STOX2: variants seen among roughly 807,000 people sequenced by gnomAD.
STOX2 encodes storkhead box 2.
Under a neutral mutation model 60.9 loss-of-function variants are expected in STOX2, and 28 were observed. The ratio of observed to expected loss-of-function variants is 0.46; its 90% CI spans 0.34 to 0.63. STOX2 has a LOEUF of 0.63. Among genes scored for constraint, STOX2 ranks in the 30% least tolerant of loss-of-function variants. The pLI is 0.01. For missense variants in STOX2, 1,024 were observed against 1,187.7 expected (o/e 0.86, Z 2.03); for synonymous variants, 472 against 463.9 (o/e 1.02, Z -0.22).
intron 1 of STOX2, among the ~76,000 whole-genome samples, chr4:183,807,261 C>T (rs1410681058): frequency 1.3e-5 from 2 of 152,212 alleles, no homozygotes; most frequent in East Asian, 3.8e-4. Context: ...CCTGAACCAC[C>T]GCGCCCGGCC....
chr4:183,844,418 C>T (rs1164186855), intron 1 of STOX2, among the ~76,000 whole-genome samples: 1 of 152,078 alleles, frequency 6.6e-6, no homozygotes, highest in Non-Finnish European at 1.5e-5. Context: ...TCAAACAATC[C>T]TTTTATATTA....
At chr4:183,832,350 A>G (rs2111121746) in intron 1 of STOX2, among the ~76,000 whole-genome samples, 1 of 151,818 alleles carries the variant, frequency 6.6e-6, no homozygotes, top group Non-Finnish European at 1.5e-5. Flanking sequence ...TACTAACCCC[A>G]TTTTGGCTCC....
At position 183,970,581 on chromosome 4, in the gene STOX2, C is replaced by A. The variant is rs1418515604; in HGVS notation, c.167-30744C>A. ...GGGAATCACACAGGAGGAAGGGCAG[C>A]CACCACATACACACAAGGAGGATGT... On this transcript the variant is annotated intron_variant, in intron 1 of 3. Coordinates refer to ENST00000308497, the MANE Select transcript of STOX2 (RefSeq NM_020225.3). Among the ~76,000 whole-genome samples, 5 of 152,190 alleles carry A rather than the reference C, an allele frequency of 3.3e-5. No individual in the cohort carries two copies. In the South Asian group the frequency reaches 8.3e-4, roughly 25 times the overall value.
At chr4:184,014,727 C>T (rs1212058806) in intron 3 of STOX2, 1 of 152,120 alleles carries the variant, frequency 6.6e-6, no homozygotes, top group Non-Finnish European at 1.5e-5. Context: ...TAATGAAATA[C>T]ATTCTTTACC....
upstream of STOX2, among the ~76,000 whole-genome samples, chr4:183,900,813 C>T (rs1741444243): frequency 6.6e-6 from 1 of 152,082 alleles, no homozygotes; most frequent in Non-Finnish European, 1.5e-5. Context: ...AATACATTCC[C>T]TTAAACATTT....
chr4:183,944,656 G>A (rs2111134052), intron 1 of STOX2, among the ~76,000 whole-genome samples: 1 of 152,344 alleles, frequency 6.6e-6, no homozygotes, highest in South Asian at 2.1e-4. Flanking sequence ...GGAGGTTGCA[G>A]TGAGCCAAGA....
At chr4:183,963,081 C>G (rs146553266) in intron 1 of STOX2, among the ~76,000 whole-genome samples, 159 of 152,286 alleles carry the variant, frequency 1.0e-3, no homozygotes, top group Non-Finnish European at 1.9e-3. Flanking sequence ...CTTTTGATCA[C>G]TTACTCTCTC....
chr4:183,974,266 C>T (rs563186851), intron 1 of STOX2, among the ~76,000 whole-genome samples: 1 of 151,906 alleles, frequency 6.6e-6, no homozygotes, highest in South Asian at 2.1e-4. Context: ...AAAAATAGAG[C>T]ACTGAAAATA....
intron 1 of STOX2, among the ~76,000 whole-genome samples, chr4:183,968,622 G>T (rs1015847310): frequency 6.6e-6 from 1 of 152,184 alleles, no homozygotes. Context: ...TGCCACCTTC[G>T]CTGCTACAAA....
chr4:184,013,866 C>T (rs533528647), intron 3 of STOX2, among the ~76,000 whole-genome samples: 3 of 152,104 alleles, frequency 2.0e-5, no homozygotes, highest in East Asian at 1.9e-4. Context: ...AGCTCACTGC[C>T]GCCTGGAACT....
At chr4:183,929,217 A>G (rs369611206) in intron 1 of STOX2, among the ~76,000 whole-genome samples, 82 of 152,342 alleles carry the variant, frequency 5.4e-4, no homozygotes, top group African/African-American at 1.9e-3. Context: ...TTTCTTTTCT[A>G]CAGCATACAG....
intron 2 of STOX2, among the ~76,000 whole-genome samples, chr4:184,004,778 T>C (rs1327473873): frequency 2.0e-5 from 3 of 152,230 alleles, no homozygotes; most frequent in Admixed American, 1.3e-4. Flanking sequence ...AGAATAATAC[T>C]TGCTTCTTGT....
At chr4:183,903,259 C>A (rs1741502300), upstream of STOX2, among the ~76,000 whole-genome samples, 1 of 152,178 alleles carries the variant, frequency 6.6e-6, no homozygotes, top group African/African-American at 2.4e-5. Context: ...TTACTGTGCT[C>A]CAATTTCAGC....
At chr4:183,827,497 A>G (rs1739462542) in intron 1 of STOX2, among the ~76,000 whole-genome samples, 2 of 150,232 alleles carry the variant, frequency 1.3e-5, no homozygotes, top group African/African-American at 5.1e-5. Context: ...CTCTAAAAAA[A>G]GAAAATAAAA....
intron 1 of STOX2, among the ~76,000 whole-genome samples, chr4:183,843,147 CAAAA>C (rs60213127): frequency 9.8e-6 from 1 of 102,206 alleles, no homozygotes; most frequent in Admixed American, 1.0e-4. Context: ...GACTCCATCT[CAAAA>C]AAAAAAAAAA....
chr4:183,937,606 C>T (rs1304961624), intron 1 of STOX2, among the ~76,000 whole-genome samples: 1 of 152,180 alleles, frequency 6.6e-6, no homozygotes, highest in African/African-American at 2.4e-5. Flanking sequence ...AACATCCAAG[C>T]TCATGATCAG....
chr4:183,935,475 A>G (rs774712495), intron 1 of STOX2, among the ~76,000 whole-genome samples: 19 of 152,238 alleles, frequency 1.2e-4, no homozygotes, highest in Non-Finnish European at 2.6e-4. Context: ...CTTATTCCAG[A>G]AAGAGTCAAA....
chr4:183,989,096 C>T (rs1400240420), intron 1 of STOX2, among the ~76,000 whole-genome samples: 1 of 152,010 alleles, frequency 6.6e-6, no homozygotes, highest in Non-Finnish European at 1.5e-5. Flanking sequence ...CCCAGATTTC[C>T]CTCAGCTGTA....
intron 1 of STOX2, among the ~76,000 whole-genome samples, chr4:183,933,442 G>T (rs558816328): frequency 1.4e-4 from 21 of 152,182 alleles, no homozygotes; most frequent in Non-Finnish European, 2.4e-4. Flanking sequence ...TGGCTAGAGT[G>T]CAATGGCATG....
Sources: allele counts gnomAD v4.1 joint callset (sites outside exome capture counted in the v4.1 genomes callset), GRCh38; gene constraint gnomAD v4.1.1; transcripts MANE v1.5; gene names NCBI Gene and HGNC (gene_info 2026-07-23, HGNC 2026-07-21).